TDRD9: variants seen among roughly 807,000 people sequenced by gnomAD.
The protein encoded by TDRD9 is tudor domain containing 9.
A neutral mutation model predicts 172.6 loss-of-function variants in TDRD9; 124 were observed. The observed-to-expected ratio is 0.72, with a 90% CI of 0.62 to 0.83. The LOEUF is 0.83. Among genes scored for constraint, TDRD9 ranks in the 40% least tolerant of loss-of-function variants. TDRD9 has a pLI of 0.00. For missense variants in TDRD9, 1,479 were observed against 1,714.1 expected, an observed-to-expected ratio of 0.86 and a Z score of 2.42; for synonymous variants, 619 against 617.1, an observed-to-expected ratio of 1.00 and a Z score of -0.05.
chr14:103,977,632 T>TC (rs1046924748), intron 7 of TDRD9, among the ~76,000 whole-genome samples: 27 of 137,464 alleles, frequency 2.0e-4, no homozygotes, highest in Non-Finnish European at 3.1e-5. Context: ...ATTTCTTTCT[T>TC]TTTTTTTTTT....
rs144458391 is a variant in TDRD9, at chr14:104,031,812, G to A, written c.3439-205G>A. Among the ~76,000 whole-genome samples the A allele has an allele frequency of 2.6e-5, 4 of 152,176 alleles. No homozygotes were observed. In the East Asian group the frequency reaches 7.7e-4, roughly 29 times the overall value. On this transcript the variant is annotated intron_variant, in intron 29 of 35. Transcript: ENST00000409874. The stretch of plus-strand genomic sequence containing the variant: ...TTCTTAACCATATATATCAAGGAAT[G>A]TTAGTGAAATTGTTGAAGAGAATGA...
At chr14:103,989,581 A>C (rs529713232) in intron 8 of TDRD9, among the ~76,000 whole-genome samples, 1 of 152,186 alleles carries the variant, frequency 6.6e-6, no homozygotes, top group Non-Finnish European at 1.5e-5. Context: ...ATCTGTATCT[A>C]TTTCCATGAG....
At chr14:103,929,351 T>C (rs2030211377) in intron 1 of TDRD9, among the ~76,000 whole-genome samples, 1 of 152,178 alleles carries the variant, frequency 6.6e-6, no homozygotes, top group African/African-American at 2.4e-5. Context: ...ATGTGTAGCC[T>C]TTTTGATGGG....
chr14:103,941,761 A>G, intron 1 of TDRD9: 2 of 1,260,042 alleles, frequency 1.6e-6, no homozygotes, highest in Non-Finnish European at 1.1e-6. Context: ...CTGAGCAAAT[A>G]TTTGTTTCTT....
chr14:104,003,866 C>T (rs886525758), intron 13 of TDRD9, among the ~76,000 whole-genome samples: 4 of 152,066 alleles, frequency 2.6e-5, no homozygotes, highest in Non-Finnish European at 5.9e-5. Flanking sequence ...TCGCCAACCT[C>T]GTGACTTTCT....
intron 5 of TDRD9, among the ~76,000 whole-genome samples, chr14:103,968,271 C>T (rs1456609441): frequency 6.6e-6 from 1 of 152,228 alleles, no homozygotes; most frequent in Non-Finnish European, 1.5e-5. Flanking sequence ...TCCTGCTCTG[C>T]CTCTGTCTGG....
chr14:103,952,654 ATTTACC>A (rs1428738402), intron 1 of TDRD9, among the ~76,000 whole-genome samples: 3 of 147,622 alleles, frequency 2.0e-5, no homozygotes, highest in Non-Finnish European at 4.5e-5. Context: ...ATACTACTGC[ATTTACC>A]TTTTAAAGTT....
chr14:103,954,963 G>T (rs1377190846), intron 1 of TDRD9, among the ~76,000 whole-genome samples: 1 of 150,652 alleles, frequency 6.6e-6, no homozygotes, highest in African/African-American at 2.4e-5. Context: ...GTCTCGCTTT[G>T]TTGCCTAGGC....
chr14:103,988,429 C>T (rs943508443), intron 8 of TDRD9, among the ~76,000 whole-genome samples: 2 of 152,172 alleles, frequency 1.3e-5, no homozygotes, highest in African/African-American at 4.8e-5. Context: ...GCCTCGGCCT[C>T]CCAAAGTGCT....
At chr14:104,046,853 C>A (rs9707239) in intron 34 of TDRD9, among the ~76,000 whole-genome samples, 149 of 152,258 alleles carry the variant, frequency 9.8e-4, no homozygotes, top group Middle Eastern at 3.4e-3. Flanking sequence ...TCACTGTGTT[C>A]GCCAGGATGG....
intron 28 of TDRD9, among the ~76,000 whole-genome samples, chr14:104,030,581 G>A (rs1325946936): frequency 1.3e-5 from 2 of 152,218 alleles, no homozygotes; most frequent in Non-Finnish European, 2.9e-5. Flanking sequence ...TGCAAAGGCT[G>A]TCGGATTTCT....
chr14:103,999,642 G>GTC (rs2034185928), intron 13 of TDRD9, among the ~76,000 whole-genome samples: 5 of 126,048 alleles, frequency 4.0e-5, no homozygotes, highest in East Asian at 2.3e-4. Context: ...TTGTTTTTTA[G>GTC]AAAACCTTTT....
chr14:104,002,046 A>G (rs1566773523), intron 13 of TDRD9, among the ~76,000 whole-genome samples: 1 of 150,786 alleles, frequency 6.6e-6, no homozygotes, highest in Non-Finnish European at 1.5e-5. Context: ...TTGGCCAGAC[A>G]CAGTGGCTCA....
In TDRD9 at chr14:104,026,673, T is replaced by C. The variant is rs774459202; in HGVS notation, c.3022-6T>C. The C allele has an allele frequency of 1.2e-6, 2 of 1,613,876 alleles. No homozygotes were observed. Among genetic ancestry groups the C allele is most frequent in the Admixed American group, 3.3e-5 (2 of 60,026 alleles). On this transcript the variant is annotated splice_region_variant and splice_polypyrimidine_tract_variant and intron_variant, in intron 27 of 35. Transcript: ENST00000409874. ...CTGTTTGAGCTGTGCCCTTCTGTCC[T>C]TGTAGGCTTTGGAATTTAAGATTTG...
rs549711452 is a variant in TDRD9 at position 103,971,007 on chromosome 14, G to A, written c.846+386G>A. Among the ~76,000 whole-genome samples the A allele has an allele frequency of 9.3e-5, 14 of 150,474 alleles. No individual in the cohort carries two copies. In the South Asian group the frequency reaches 1.7e-3, roughly 18 times the overall value. ...TGACTGTATTTTTTTTTTTTGAGAC[G>A]GAGTCTAGCTCTGTCGCCCAGGCTG... On this transcript the variant is annotated intron_variant, in intron 6 of 35. Transcript: ENST00000409874.
At chr14:104,004,480 G>T in intron 14 of TDRD9, 145 bp downstream of exon 14, 1 of 466,480 alleles carries the variant, frequency 2.1e-6, no homozygotes, top group South Asian at 3.8e-5. Context: ...CCGGGTTTAC[G>T]CGATTCTGCT....
At chr14:104,026,648 C>T in intron 27 of TDRD9, 31 bp from the exon 28 acceptor site, 3 of 1,605,974 alleles carry the variant, frequency 1.9e-6, no homozygotes, top group Non-Finnish European at 2.6e-6. Context: ...ATTTATAAAG[C>T]TGTTTGAGCT....
intron 7 of TDRD9, among the ~76,000 whole-genome samples, chr14:103,977,630 C>CTTTTTT (rs766681794): frequency 1.7e-5 from 2 of 114,442 alleles, no homozygotes; most frequent in Admixed American, 9.2e-5. Context: ...TGATTTCTTT[C>CTTTTTT]TTTTTTTTTT....
At chr14:104,014,063 A>G (rs2034700801) in intron 20 of TDRD9, 1 of 151,970 alleles carries the variant, frequency 6.6e-6, no homozygotes, top group Admixed American at 6.6e-5. Context: ...CCCTGTCTCT[A>G]CTAAAAATAC....
Sources: allele counts gnomAD v4.1 joint callset (sites outside exome capture counted in the v4.1 genomes callset), GRCh38; gene constraint gnomAD v4.1.1; transcripts MANE v1.5; gene names NCBI Gene and HGNC (gene_info 2026-07-23, HGNC 2026-07-21).